The following DAAM2 variants were observed in gnomAD, a reference collection of about 807,000 sequenced individuals.
DAAM2 encodes dishevelled associated activator of morphogenesis 2, also known as disheveled-associated activator of morphogenesis 2.
Under a neutral mutation model 120.7 loss-of-function variants are expected in DAAM2, and 39 were observed. The observed-to-expected ratio is 0.32, with a 90% confidence interval of 0.25 to 0.42. The LOEUF (loss-of-function observed/expected upper bound fraction) is 0.42. Ranked by LOEUF, DAAM2 falls within the 10% of genes least tolerant of loss-of-function variation. The pLI, the probability that DAAM2 is intolerant of heterozygous loss-of-function variation, is 1.00. For missense variants in DAAM2, 1,283 were observed against 1,401.7 expected (o/e 0.92, Z 1.35); for synonymous variants, 488 against 524.9 (o/e 0.93, Z 0.96).
At chr6:39,855,946 A>G (rs1763984012) in intron 1 of DAAM2, 1 of 770,244 alleles carries the variant, frequency 1.3e-6, no homozygotes, top group Non-Finnish European at 1.6e-6. Flanking sequence ...TGGAAGTCAC[A>G]TTCAGTGACC....
Position 39,867,587 on chromosome 6 carries a change from G to C in DAAM2, c.506G>C (p.Cys169Ser), listed in dbSNP as rs1486079417. ...NFLRSMDHAT[C>S]ESRIHTSLIG... ...CTCCGGAGCATGGACCACGCCACCT[G>C]TGAGAGCCGCATCCACACCTCACTC... Residue 169 changes from cysteine to serine, a missense_variant, in exon 6 of 25, where the codon TGT becomes TCT. By Grantham distance (112) the Cys-to-Ser change is moderately radical. Coordinates refer to ENST00000274867, the MANE Select transcript of DAAM2 (RefSeq NM_001201427.2). 1 of 1,614,060 alleles carries C rather than the reference G, an allele frequency of 6.2e-7. No individual in the cohort carries two copies. The highest frequency in any genetic ancestry group is 8.5e-7 in the Non-Finnish European group (1 of 1,179,906).
At chr6:39,887,426 G>T in intron 15 of DAAM2, 60 bp from the exon 16 acceptor site, 1 of 1,223,614 alleles carries the variant, frequency 8.2e-7, no homozygotes, top group Non-Finnish European at 1.2e-6. Flanking sequence ...CTTGCGGGGC[G>T]GGTAAGAGGA....
chr6:39,890,954 G>C (rs1293183713), intron 17 of DAAM2, among the ~76,000 whole-genome samples: 1 of 151,938 alleles, frequency 6.6e-6, no homozygotes, highest in Non-Finnish European at 1.5e-5. Context: ...AATTAACCCA[G>C]TATGTGCTAC....
At chr6:39,818,901 A>T (rs532900777) in intron 1 of DAAM2, 1 of 151,882 alleles carries the variant, frequency 6.6e-6, no homozygotes, top group South Asian at 2.1e-4. Context: ...CCTTGTCTAG[A>T]GTGGGGTTGA....
rs777715851 is a variant in DAAM2 at position 39,878,443 on chromosome 6, G to A, written c.1400G>A (p.Arg467Gln). The A allele has an allele frequency of 1.1e-5, 17 of 1,611,834 alleles. No homozygotes were observed. The highest frequency in any genetic ancestry group is 9.3e-5 in the African/African-American group (7 of 74,896). ...ELVSRLERKERECETKTLEKE... is the reference protein window; with the variant it reads ...ELVSRLERKEQECETKTLEKE... ...GTGAGCCGTCTGGAGAGGAAGGAGC[G>A]GGAATGCGAGACAAAGACATTGGAG... The change falls in exon 13 of 25, where the codon CGG (arginine) becomes CAG (glutamine). Residue 467 changes from arginine to glutamine, a missense_variant. By Grantham distance (43) the Arg-to-Gln change is conservative (BLOSUM62 1). This residue lies in a region of DAAM2 where 338 missense variants were observed against 443.9 expected (regional missense o/e 0.76). Coordinates refer to ENST00000274867, the MANE Select transcript of DAAM2 (RefSeq NM_001201427.2). The surrounding 1 kb of genome is among the most constrained non-coding windows in gnomAD (Gnocchi z 5.0).
In DAAM2 at chr6:39,879,263, C is replaced by T. The variant is rs779853996; in HGVS notation, c.1631C>T (p.Pro544Leu). ...SMTTNDLPPPPPPLPFACCPP... is the reference protein window; with the variant it reads ...SMTTNDLPPPLPPLPFACCPP... ...ACAACCAATGACCTGCCTCCACCCC[C>T]TCCTCCTCTGCCCTTTGCCTGTTGT... The change falls in exon 14 of 25, where the codon CCT (proline) becomes CTT (leucine). Residue 544 changes from proline to leucine, a missense_variant. Coordinates refer to ENST00000274867, the MANE Select transcript of DAAM2 (RefSeq NM_001201427.2). The T allele has an allele frequency of 4.6e-6, 7 of 1,533,438 alleles. No homozygotes were observed. Among genetic ancestry groups the T allele is most frequent in the Non-Finnish European group, 6.2e-6 (7 of 1,133,080 alleles). The allele number at this position is 1,533,438 out of a possible 1,614,324, so 95.0% of individuals were successfully genotyped here.
At chr6:39,860,669 T>C (rs924307646) in intron 2 of DAAM2, among the ~76,000 whole-genome samples, 1 of 152,054 alleles carries the variant, frequency 6.6e-6, no homozygotes, top group African/African-American at 2.4e-5. Context: ...GGAGGGTGGA[T>C]TTGCAGAGAC....
Position 39,901,601 on chromosome 6 carries a change from C to T in DAAM2, c.2982+129C>T. 8.8e-7 allele frequency: 1 copy of T among 1,140,126 alleles called. No homozygotes were observed. 70.6% of individuals were successfully genotyped at this position (1,140,126 alleles called of 1,614,324 possible). A position where few individuals can be genotyped will look rare whatever the true frequency, so the allele number is the denominator to read the frequency against. On this transcript the variant is annotated intron_variant, in intron 24 of 24. Coordinates refer to ENST00000274867, the MANE Select transcript of DAAM2 (RefSeq NM_001201427.2). This position sits in a 1 kb window ranked among gnomAD's most constrained non-coding sequence, Gnocchi z 4.5. Reference sequence around the variant, plus strand: ...GAGGAACACCATAGGGGTTGGATGTCAGCCCCAGGAGAGAGAAACTTCTTC... The same window carrying T: ...GAGGAACACCATAGGGGTTGGATGTTAGCCCCAGGAGAGAGAAACTTCTTC...
chr6:39,868,135 C>T (rs933867028), intron 6 of DAAM2: 2 of 409,654 alleles, frequency 4.9e-6, no homozygotes, highest in African/African-American at 4.0e-5. Flanking sequence ...ATTTTTGTGG[C>T]TCTGCATCTC....
chr6:39,897,241 G>GC lies in DAAM2; in HGVS notation c.2579dup (p.Ser861PhefsTer47). 1 of 1,613,506 alleles carries GC rather than the reference G, an allele frequency of 6.2e-7. No homozygotes were observed. The highest frequency in any genetic ancestry group is 1.7e-5 in the Admixed American group (1 of 60,004). On this transcript the variant is annotated frameshift_variant, in exon 21 of 25. Coordinates refer to ENST00000274867, the MANE Select transcript of DAAM2 (RefSeq NM_001201427.2). LOFTEE classifies it high-confidence loss of function. ...AGCATTTTCCTGATATTCTAAACAT[G>GC]CCTTCAGAGCTGCAACATCTTCCAG...
At position 39,891,359 on chromosome 6, in the gene DAAM2, G is replaced by A. The variant is rs753737357; in HGVS notation, c.2164G>A (p.Glu722Lys). 1.2e-6 allele frequency: 2 copies of A among 1,609,676 alleles called. No individual in the cohort carries two copies. The highest frequency in any genetic ancestry group is 2.2e-5 in the South Asian group (2 of 89,882). The stretch of plus-strand genomic sequence containing the variant: ...TTTGCAGCTCCTCAAGTTCATCCCA[G>A]AGAAGAGTGACATTGACCTCCTGGA... ...MLEQLLKFIP[E>K]KSDIDLLEEH... Residue 722 changes from glutamate (E) to lysine (K), a missense_variant, in exon 18 of 25, where the codon GAG becomes AAG. Physicochemically the swap from Glu to Lys is moderately conservative, Grantham distance 56. This residue lies in a region of DAAM2 where 748 missense variants were observed against 768.6 expected (regional missense o/e 0.97). Transcript: ENST00000274867.
chr6:39,822,202 C>G (rs1284373532), intron 1 of DAAM2: 1 of 152,352 alleles, frequency 6.6e-6, no homozygotes, highest in Admixed American at 6.5e-5. Flanking sequence ...GCCCCCGTCC[C>G]ATTTCCTGTG....
At position 39,871,424 on chromosome 6, in the gene DAAM2, G is replaced by A; in HGVS notation, c.978-82G>A. On this transcript the variant is annotated intron_variant, in intron 8 of 24. Coordinates refer to ENST00000274867, the MANE Select transcript of DAAM2 (RefSeq NM_001201427.2). Reference sequence around the variant, plus strand: ...GAAGCTTTCAGATTTAGCCAGTGGGGGGCTCGAAGGGGCTGTAACCCTCAA... The same window carrying A: ...GAAGCTTTCAGATTTAGCCAGTGGGAGGCTCGAAGGGGCTGTAACCCTCAA... 3.1e-6 allele frequency: 4 copies of A among 1,284,034 alleles called. No individual in the cohort carries two copies. The South Asian group carries it at 3.8e-5, about 12-fold the overall frequency. The allele number at this position is 1,284,034 out of a possible 1,614,324, so 79.5% of individuals were successfully genotyped here.
intron 1 of DAAM2, among the ~76,000 whole-genome samples, chr6:39,806,692 G>C (rs1762017794): frequency 6.6e-6 from 1 of 152,004 alleles, no homozygotes; most frequent in South Asian, 2.1e-4. Flanking sequence ...AAATCCTTTA[G>C]TGTCTTAAAG....
intron 22 of DAAM2, 141 bp downstream of exon 22, chr6:39,899,078 T>G (rs1766310658): frequency 3.0e-6 from 2 of 670,568 alleles, no homozygotes; most frequent in African/African-American, 3.7e-5. Context: ...AAAGGATAAC[T>G]GGATTACTGG....
chr6:39,794,506 A>G (rs1215031835), intron 1 of DAAM2, among the ~76,000 whole-genome samples: 2 of 152,188 alleles, frequency 1.3e-5, no homozygotes, highest in Non-Finnish European at 2.9e-5. Context: ...TCTCCTGGGC[A>G]TTAGAACTTA....
chr6:39,852,456 T>TCTCCCC (rs1477628842), intron 1 of DAAM2, among the ~76,000 whole-genome samples: 7 of 152,144 alleles, frequency 4.6e-5, no homozygotes, highest in Non-Finnish European at 8.8e-5. Flanking sequence ...GGTGACTTCA[T>TCTCCCC]AAATCTGGCC....
At chr6:39,814,101 G>A (rs1308400438) in intron 1 of DAAM2, among the ~76,000 whole-genome samples, 1 of 152,122 alleles carries the variant, frequency 6.6e-6, no homozygotes, top group Non-Finnish European at 1.5e-5. Context: ...CTTTGAATGA[G>A]GGCCAACACA....
chr6:39,845,253 C>T (rs548468179), intron 1 of DAAM2, among the ~76,000 whole-genome samples: 33 of 17,786 alleles, frequency 1.9e-3, no homozygotes, highest in Non-Finnish European at 3.0e-3. Context: ...ACACACATAT[C>T]GCACATACAC....
Sources: gnomAD v4.1 joint callset for allele counts (sites outside exome capture counted in the v4.1 genomes callset) on GRCh38, gnomAD v4.1.1 for gene constraint, gnomAD v4.1.1 regional missense constraint, Gnocchi (gnomAD v3.1) non-coding constraint, MANE v1.5 for transcripts, NCBI Gene and HGNC (gene_info 2026-07-23, HGNC 2026-07-21) for gene names.